Variants in MESP2 observed in about 807,000 individuals in gnomAD.
MESP2 encodes the protein mesoderm posterior protein 2.
In MESP2, 34 loss-of-function variants were observed where a neutral mutation model predicts 37.8. The ratio of observed to expected loss-of-function variants is 0.90; its 90% CI spans 0.68 to 1.20. The LOEUF is 1.20. MESP2 is among the 50% of genes most tolerant of loss of function. The probability of loss-of-function intolerance (pLI) is 0.00; values close to 1 mark genes in which losing one functional copy is unlikely to be tolerated. For synonymous variants in MESP2, 303 were observed against 251.6 expected (o/e 1.20, Z -1.93); for missense variants, 646 against 545.3 (o/e 1.18, Z -1.84).
chr15:89,776,396 C>T lies in MESP2; in HGVS notation c.39C>T (p.His13=). The stretch of plus-strand genomic sequence containing the variant: ...CTCCTCCGCAGAGCCTCCTCGGCCA[C>T]GACCACTGGATCTTCGCCCAGGGCT... ...QSPPPQSLLG[H]DHWIFAQGWG... The change falls in exon 1 of 2, where the codon CAC becomes CAT. Residue 13 remains histidine, a synonymous_variant. Coordinates refer to ENST00000341735, the MANE Select transcript of MESP2 (RefSeq NM_001039958.2). The T allele has an allele frequency of 6.5e-7, 1 of 1,532,640 alleles. No individual in the cohort carries two copies. The allele number at this position is 1,532,640 out of a possible 1,614,324, so 94.9% of individuals were successfully genotyped here.
At position 89,776,511 on chromosome 15, in the gene MESP2, C is replaced by T. The variant is rs1296005920; in HGVS notation, c.154C>T (p.Pro52Ser). 4 of 1,533,358 alleles carry T rather than the reference C, an allele frequency of 2.6e-6. No individual in the cohort carries two copies. The African/African-American group carries it at 4.1e-5, about 16-fold the overall frequency. The allele number at this position is 1,533,358 out of a possible 1,614,324, so 95.0% of individuals were successfully genotyped here. A position where few individuals can be genotyped will look rare whatever the true frequency, so the allele number is the denominator to read the frequency against. ...CCCCTGCGACGGCGCCCGCGGACTC[C>T]CGCAGCCACAGCCTCCGAGCTGCAG... ...SCPCDGARGL[P>S]QPQPPSCSSR... Residue 52 changes from proline to serine, a missense_variant, in exon 1 of 2, where the codon CCG becomes TCG. Coordinates refer to ENST00000341735, the MANE Select transcript of MESP2 (RefSeq NM_001039958.2).
Position 89,778,152 on chromosome 15 carries a change from AC to A in MESP2, c.1017del (p.Arg341GlyfsTer140), listed in dbSNP as rs772586292. On this transcript the variant is annotated frameshift_variant, in exon 2 of 2. Coordinates refer to ENST00000341735, the MANE Select transcript of MESP2 (RefSeq NM_001039958.2). LOFTEE classifies it high-confidence loss of function. Reference sequence around the variant, plus strand: ...ATCATGCCAGAGACTGCAGCCTCAGACCCCCGGGAGGTGCTGGAGCCACAGT... The same window carrying A: ...ATCATGCCAGAGACTGCAGCCTCAGACCCCGGGAGGTGCTGGAGCCACAGT... ...HPSCQRLQPQ[T>X]PGRCWSHSAE... The A allele has an allele frequency of 1.2e-6, 2 of 1,613,384 alleles. No homozygotes were observed.
chr15:89,777,032 C>G lies in MESP2; in HGVS notation c.675C>G (p.Ala225=), dbSNP rs1383990056. 6.3e-7 allele frequency: 1 copy of G among 1,596,916 alleles called. No homozygotes were observed. The highest frequency in any genetic ancestry group is 1.7e-5 in the Admixed American group (1 of 57,980). Residue 225 remains alanine (A), a synonymous_variant, in exon 1 of 2, where the codon GCC becomes GCG. Transcript: ENST00000341735. ...AGGCGTCCTGGGGATCCCCGTCCGC[C>G]TGCCCCGGAGCCCAAGCCGCACCCG... ...LAEASWGSPS[A]CPGAQAAPER... is the part of the protein sequence containing the mutation.
chr15:89,777,278 C>T lies in MESP2; in HGVS notation c.921C>T (p.Tyr307=). Reference sequence around the variant, plus strand: ...CAACTTTGGAGCTGGCCGCAGTGTACCAGGTATGTGTGGAGGCCCTTGCTG... The same window carrying T: ...CAACTTTGGAGCTGGCCGCAGTGTATCAGGTATGTGTGGAGGCCCTTGCTG... ...APATLELAAV[Y]QGLSVSPEPC... The change falls in exon 1 of 2, where the codon TAC becomes TAT. Residue 307 remains tyrosine, a synonymous_variant. Coordinates refer to ENST00000341735, the MANE Select transcript of MESP2 (RefSeq NM_001039958.2). The T allele has an allele frequency of 6.2e-7, 1 of 1,610,542 alleles. No homozygotes were observed. Among genetic ancestry groups the T allele is most frequent in the Non-Finnish European group, 8.5e-7 (1 of 1,178,972 alleles).
At chr15:89,778,005 C>G in intron 1 of MESP2, 60 bp from the exon 2 acceptor site, 1 of 1,607,712 alleles carries the variant, frequency 6.2e-7, no homozygotes, top group Non-Finnish European at 8.5e-7. Flanking sequence ...CAGCCAGATT[C>G]AAGATCTCTG....
In MESP2 at chr15:89,776,349, A is replaced by G; in HGVS notation, c.-9A>G. Reference sequence around the variant, plus strand: ...GCCAACCCAGCCTCCCAGAGCCTGCAGCCCGGCCATGGCCCAGTCGCCTCC... The same window carrying G: ...GCCAACCCAGCCTCCCAGAGCCTGCGGCCCGGCCATGGCCCAGTCGCCTCC... On this transcript the variant is annotated 5_prime_UTR_variant, in exon 1 of 2. Coordinates refer to ENST00000341735, the MANE Select transcript of MESP2 (RefSeq NM_001039958.2). The G allele has an allele frequency of 2.6e-6, 4 of 1,530,998 alleles. No individual in the cohort carries two copies. Among genetic ancestry groups the G allele is most frequent in the Non-Finnish European group, 3.5e-6 (4 of 1,145,588 alleles). 94.8% of individuals were successfully genotyped at this position (1,530,998 alleles called of 1,614,324 possible). A position where few individuals can be genotyped will look rare whatever the true frequency, so the allele number is the denominator to read the frequency against.
Position 89,778,516 on chromosome 15 carries a change from C to T in MESP2, c.*182C>T, listed in dbSNP as rs553766281. 420 of 774,256 alleles carry T rather than the reference C, an allele frequency of 5.4e-4. 3 individuals are homozygous for T. Among genetic ancestry groups the T allele is most frequent in the Non-Finnish European group, 7.9e-4 (373 of 472,420 alleles). 48.0% of individuals were successfully genotyped at this position (774,256 alleles called of 1,614,324 possible). ...GTACCTTCCCTGGATGGAGTCAGGGCGGGGGCACTGTCCTCCACTGCTAGA... is the reference window on the plus strand; with the variant it reads ...GTACCTTCCCTGGATGGAGTCAGGGTGGGGGCACTGTCCTCCACTGCTAGA... On this transcript the variant is annotated 3_prime_UTR_variant, in exon 2 of 2. Transcript: ENST00000341735.
rs757900381 is a variant in MESP2 at position 89,777,044 on chromosome 15, C to A, written c.687C>A (p.Ala229=). The A allele has an allele frequency of 3.4e-5, 55 of 1,601,050 alleles. No individual in the cohort carries two copies. The highest frequency in any genetic ancestry group is 4.5e-5 in the Non-Finnish European group (53 of 1,175,400). Reference sequence around the variant, plus strand: ...GATCCCCGTCCGCCTGCCCCGGAGCCCAAGCCGCACCCGAGCGCCTGGGGA... The same window carrying A: ...GATCCCCGTCCGCCTGCCCCGGAGCACAAGCCGCACCCGAGCGCCTGGGGA... ...SWGSPSACPG[A]QAAPERLGRG... is the part of the protein sequence containing the mutation. The change falls in exon 1 of 2, where the codon GCC becomes GCA. Residue 229 remains alanine, a synonymous_variant. Coordinates refer to ENST00000341735, the MANE Select transcript of MESP2 (RefSeq NM_001039958.2).
chr15:89,776,526 C>G lies in MESP2; in HGVS notation c.169C>G (p.Pro57Ala), dbSNP rs1198325201. The G allele has an allele frequency of 6.5e-7, 1 of 1,533,188 alleles. No homozygotes were observed. Among genetic ancestry groups the G allele is most frequent in the Middle Eastern group, 2.0e-4 (1 of 5,012 alleles). 95.0% of individuals were successfully genotyped at this position (1,533,188 alleles called of 1,614,324 possible). A position where few individuals can be genotyped will look rare whatever the true frequency, so the allele number is the denominator to read the frequency against. ...GARGLPQPQP[P>A]SCSSRAAEAA... ...CCGCGGACTCCCGCAGCCACAGCCT[C>G]CGAGCTGCAGCTCCCGAGCCGCAGA... Residue 57 changes from proline (P) to alanine (A), a missense_variant, in exon 1 of 2, where the codon CCG becomes GCG. Coordinates refer to ENST00000341735, the MANE Select transcript of MESP2 (RefSeq NM_001039958.2).
rs529473935 is a variant in MESP2 at position 89,778,363 on chromosome 15, G to T, written c.*29G>T. The T allele has an allele frequency of 3.4e-4, 541 of 1,612,838 alleles. 9 individuals carry two copies. The South Asian group carries it at 5.6e-3, about 17-fold the overall frequency. On this transcript the variant is annotated 3_prime_UTR_variant, in exon 2 of 2. Coordinates refer to ENST00000341735, the MANE Select transcript of MESP2 (RefSeq NM_001039958.2). ...GCCTCGGCTTCCCTCTTTCCATCCAGGAATCAGTCCTGTAGCTTGGGTGCC... is the reference window on the plus strand; with the variant it reads ...GCCTCGGCTTCCCTCTTTCCATCCATGAATCAGTCCTGTAGCTTGGGTGCC...
chr15:89,777,720 A>G (rs567315246), intron 1 of MESP2, among the ~76,000 whole-genome samples: 2 of 152,260 alleles, frequency 1.3e-5, no homozygotes, highest in African/African-American at 4.8e-5. Flanking sequence ...AATTTGTTGA[A>G]CACTTTCTAT....
chr15:89,776,400 C>T lies in MESP2; in HGVS notation c.43C>T (p.His15Tyr), dbSNP rs985850317. 3 of 1,532,726 alleles carry T rather than the reference C, an allele frequency of 2.0e-6. No individual in the cohort carries two copies. The highest frequency in any genetic ancestry group is 2.8e-5 in the African/African-American group (2 of 72,674). The allele number at this position is 1,532,726 out of a possible 1,614,324, so 94.9% of individuals were successfully genotyped here. ...TCCGCAGAGCCTCCTCGGCCACGAC[C>T]ACTGGATCTTCGCCCAGGGCTGGGG... ...PPPQSLLGHDHWIFAQGWGWA... is the reference protein window; with the variant it reads ...PPPQSLLGHDYWIFAQGWGWA... The change falls in exon 1 of 2, where the codon CAC becomes TAC. Residue 15 changes from histidine (H) to tyrosine (Y), a missense_variant. By Grantham distance (83) the His-to-Tyr change is moderately conservative. Transcript: ENST00000341735.
In MESP2 at chr15:89,776,657, C is replaced by G. The variant is rs1968367451; in HGVS notation, c.300C>G (p.Ala100=). 1 of 1,533,980 alleles carries G rather than the reference C, an allele frequency of 6.5e-7. No individual in the cohort carries two copies. The highest frequency in any genetic ancestry group is 8.7e-7 in the Non-Finnish European group (1 of 1,147,190). Residue 100 remains alanine (A), a synonymous_variant, in exon 1 of 2, where the codon GCC becomes GCG. Transcript: ENST00000341735. The part of the protein sequence containing the change: ...EKLRMRTLAR[A]LHELRRFLPP... ...TGCGCATGCGCACGCTGGCCCGCGC[C>G]CTGCACGAGTTGCGCCGCTTTCTGC...
chr15:89,777,691 A>C (rs1968389780), intron 1 of MESP2, among the ~76,000 whole-genome samples: 1 of 152,150 alleles, frequency 6.6e-6, no homozygotes, highest in Non-Finnish European at 1.5e-5. Context: ...CATCGTCCAT[A>C]AAAAATCATA....
In MESP2 at chr15:89,776,944, A is replaced by C; in HGVS notation, c.587A>C (p.Gln196Pro). Residue 196 changes from glutamine to proline, a missense_variant, in exon 1 of 2, where the codon CAG (glutamine) becomes CCG (proline). By Grantham distance (76) the Gln-to-Pro change is moderately conservative. Coordinates refer to ENST00000341735, the MANE Select transcript of MESP2 (RefSeq NM_001039958.2). ...QGQGQGQGQG[Q>P]GQGQGQGQGR... ...CAGGGGCAAGGGCAGGGGCAAGGACAGGGGCAAGGACAGGGGCAAGGGCAG... is the reference window on the plus strand; with the variant it reads ...CAGGGGCAAGGGCAGGGGCAAGGACCGGGGCAAGGACAGGGGCAAGGGCAG... The C allele has an allele frequency of 1.1e-5, 16 of 1,506,164 alleles. No homozygotes were observed. Among genetic ancestry groups the C allele is most frequent in the Non-Finnish European group, 1.4e-5 (16 of 1,123,466 alleles). 93.3% of individuals were successfully genotyped at this position (1,506,164 alleles called of 1,614,324 possible).
In MESP2 at chr15:89,777,237, T is replaced by A. The variant is rs1255528007; in HGVS notation, c.880T>A (p.Trp294Arg). 1.2e-6 allele frequency: 2 copies of A among 1,611,658 alleles called. No individual in the cohort carries two copies. The highest frequency in any genetic ancestry group is 2.2e-5 in the East Asian group (1 of 44,870). Residue 294 changes from tryptophan to arginine, a missense_variant, in exon 1 of 2, where the codon TGG becomes AGG. Physicochemically the swap from Trp to Arg is moderately radical, Grantham distance 101. Transcript: ENST00000341735. Reference sequence around the variant, plus strand: ...AGAGCCCCGGAACCCACCAGTGCCCTGGACGGCGGCCCCAGCAACTTTGGA... The same window carrying A: ...AGAGCCCCGGAACCCACCAGTGCCCAGGACGGCGGCCCCAGCAACTTTGGA... ...SPEPRNPPVPWTAAPATLELA... is the reference protein window; with the variant it reads ...SPEPRNPPVPRTAAPATLELA...
intron 1 of MESP2, 48 bp downstream of exon 1, chr15:89,777,329 G>C (rs1172441533): frequency 6.4e-7 from 1 of 1,562,212 alleles, no homozygotes; most frequent in African/African-American, 1.4e-5. Flanking sequence ...AGTCTGCAGA[G>C]AATCTCGTAC....
At position 89,778,317 on chromosome 15, in the gene MESP2, C is replaced by T. The variant is rs1392717624; in HGVS notation, c.1177C>T (p.Leu393=). 7 of 1,613,052 alleles carry T rather than the reference C, an allele frequency of 4.3e-6. No homozygotes were observed. Among genetic ancestry groups the T allele is most frequent in the Admixed American group, 1.7e-5 (1 of 60,010 alleles). ...LWQEDLEGAR[L]GIFY is the part of the protein sequence containing the mutation. The stretch of plus-strand genomic sequence containing the variant: ...GCAAGAAGATCTGGAGGGGGCCCGC[C>T]TGGGCATCTTCTACTAAATGGCCTC... Residue 393 remains leucine (L), a synonymous_variant, in exon 2 of 2, where the codon CTG becomes TTG. Transcript: ENST00000341735.
chr15:89,777,023 C>T lies in MESP2; in HGVS notation c.666C>T (p.Ser222=), dbSNP rs2141775618. 2 of 1,589,320 alleles carry T rather than the reference C, an allele frequency of 1.3e-6. No individual in the cohort carries two copies. Among genetic ancestry groups the T allele is most frequent in the Non-Finnish European group, 1.7e-6 (2 of 1,169,446 alleles). Residue 222 remains serine (S), a synonymous_variant, in exon 1 of 2, where the codon TCC becomes TCT. Transcript: ENST00000341735. ...SAVLAEASWG[S]PSACPGAQAA... ...TCCTCGCCGAGGCGTCCTGGGGATC[C>T]CCGTCCGCCTGCCCCGGAGCCCAAG...
Sources: allele counts gnomAD v4.1 joint callset (sites outside exome capture counted in the v4.1 genomes callset), GRCh38; gene constraint gnomAD v4.1.1; transcripts MANE v1.5; gene names NCBI Gene and HGNC (gene_info 2026-07-23, HGNC 2026-07-21).